The following DOCK2 variants were observed in gnomAD, a reference collection of about 807,000 sequenced individuals.
DOCK2 encodes the protein dedicator of cytokinesis 2.
Under a neutral mutation model 248.9 loss-of-function variants are expected in DOCK2, and 87 were observed. The observed-to-expected ratio is 0.35, with a 90% confidence interval of 0.29 to 0.42. The LOEUF (loss-of-function observed/expected upper bound fraction) is 0.42, where lower values mean the gene tolerates loss of function less well. DOCK2 is among the 10% of genes least tolerant of loss of function. The pLI, the probability that DOCK2 is intolerant of heterozygous loss-of-function variation, is 1.00. For synonymous variants in DOCK2, 805 were observed against 821.6 expected (o/e 0.98, Z 0.35); for missense variants, 1,747 against 2,300.2 (o/e 0.76, Z 4.92).
At chr5:170,021,579 A>G (rs567637009) in intron 33 of DOCK2, among the ~76,000 whole-genome samples, 1 of 151,990 alleles carries the variant, frequency 6.6e-6, no homozygotes, top group Non-Finnish European at 1.5e-5. Context: ...GCATGCACCC[A>G]CCTGTTTTCT....
intron 26 of DOCK2, among the ~76,000 whole-genome samples, chr5:169,839,912 G>C (rs1051435398): frequency 6.6e-6 from 1 of 152,176 alleles, no homozygotes; most frequent in African/African-American, 2.4e-5. Context: ...TCCGTTACCT[G>C]TATAACCAAT....
At chr5:169,700,611 T>C (rs999288492) in intron 13 of DOCK2, among the ~76,000 whole-genome samples, 1 of 152,142 alleles carries the variant, frequency 6.6e-6, no homozygotes, top group Non-Finnish European at 1.5e-5. Flanking sequence ...AGTGAAATGT[T>C]AAAAGTTCCT....
chr5:169,850,576 T>G (rs1770570186), intron 27 of DOCK2, among the ~76,000 whole-genome samples: 1 of 152,032 alleles, frequency 6.6e-6, no homozygotes, highest in African/African-American at 2.4e-5. Flanking sequence ...AGACTTGAAA[T>G]GACAGTTTGT....
chr5:169,788,057 G>A (rs1035202034), intron 25 of DOCK2, among the ~76,000 whole-genome samples: 6 of 151,860 alleles, frequency 4.0e-5, no homozygotes, highest in Non-Finnish European at 5.9e-5. Flanking sequence ...TTGACATCTC[G>A]TTTTGAGTGT....
chr5:169,732,813 T>C (rs1443147139), intron 22 of DOCK2, among the ~76,000 whole-genome samples: 1 of 152,220 alleles, frequency 6.6e-6, no homozygotes, highest in Non-Finnish European at 1.5e-5. Flanking sequence ...TCCTACAGTC[T>C]ATTCTCTATA....
At chr5:169,954,397 T>C (rs575210274) in intron 27 of DOCK2, among the ~76,000 whole-genome samples, 3 of 152,390 alleles carry the variant, frequency 2.0e-5, no homozygotes, top group Admixed American at 2.0e-4. Flanking sequence ...TTATCTATTT[T>C]GATTTTTCAG....
chr5:169,870,586 A>G (rs888609423), intron 27 of DOCK2, among the ~76,000 whole-genome samples: 1 of 151,702 alleles, frequency 6.6e-6, no homozygotes, highest in Non-Finnish European at 1.5e-5. Context: ...TTCTTTTTTT[A>G]ATTTTTTGAT....
chr5:169,963,676 G>T (rs562016318), intron 27 of DOCK2, among the ~76,000 whole-genome samples: 60 of 152,176 alleles, frequency 3.9e-4, no homozygotes, highest in Middle Eastern at 3.4e-3. Context: ...CCAGTCTTGG[G>T]AGTCTCTTTT....
Position 170,082,849 on chromosome 5 carries a change from G to A in DOCK2, c.5484G>A (p.Thr1828=), listed in dbSNP as rs140198889. 1.6e-4 allele frequency: 261 copies of A among 1,614,162 alleles called. No individual in the cohort carries two copies. The African/African-American group carries it at 2.9e-3, about 18-fold the overall frequency. Residue 1828 remains threonine, a synonymous_variant, in exon 52 of 52, where the codon ACG becomes ACA. Coordinates refer to ENST00000520908, the MANE Select transcript of DOCK2 (RefSeq NM_004946.3). ...EGKQIPDSLS[T]DL Reference sequence around the variant, plus strand: ...AACAGATCCCAGACTCGCTGTCCACGGACCTGTGAGCTGCTGCTGACTAGG... The same window carrying A: ...AACAGATCCCAGACTCGCTGTCCACAGACCTGTGAGCTGCTGCTGACTAGG...
intron 23 of DOCK2, among the ~76,000 whole-genome samples, chr5:169,752,926 G>A (rs144478710): frequency 9.2e-5 from 14 of 152,222 alleles, no homozygotes; most frequent in Admixed American, 8.5e-4. Flanking sequence ...TTAGCTGGGC[G>A]TGGTGGCGGG....
At chr5:169,810,989 TCACACACACACACACACACA>T (rs55987604) in intron 26 of DOCK2, among the ~76,000 whole-genome samples, 1 of 97,218 alleles carries the variant, frequency 1.0e-5, no homozygotes, top group African/African-American at 3.3e-5. Flanking sequence ...TCTCTCTCTC[TCACACACACACACACACACA>T]CACACACACA....
chr5:169,722,864 A>T (rs905592080), intron 22 of DOCK2, among the ~76,000 whole-genome samples: 1 of 152,192 alleles, frequency 6.6e-6, no homozygotes, highest in African/African-American at 2.4e-5. Flanking sequence ...CATTTCTTAC[A>T]GTTTATTTCT....
intron 27 of DOCK2, among the ~76,000 whole-genome samples, chr5:169,941,110 C>T (rs367801099): frequency 1.3e-5 from 2 of 152,108 alleles, no homozygotes; most frequent in Admixed American, 6.6e-5. Context: ...AAACTGAAGC[C>T]GCGCCCCGAA....
intron 27 of DOCK2, among the ~76,000 whole-genome samples, chr5:169,852,379 G>T (rs545870324): frequency 6.6e-6 from 1 of 152,184 alleles, no homozygotes; most frequent in Admixed American, 6.5e-5. Context: ...TGCCATTTGG[G>T]CGTTGGCTGA....
intron 27 of DOCK2, among the ~76,000 whole-genome samples, chr5:169,866,057 A>G (rs949923188): frequency 7.0e-6 from 1 of 142,528 alleles, no homozygotes; most frequent in East Asian, 1.9e-4. Flanking sequence ...TTTTATAGCA[A>G]GACTGATGGG....
At chr5:169,856,647 C>T (rs1460489152) in intron 27 of DOCK2, among the ~76,000 whole-genome samples, 1 of 152,184 alleles carries the variant, frequency 6.6e-6, no homozygotes, top group South Asian at 2.1e-4. Flanking sequence ...ATGACACCAG[C>T]AAGTAACTTC....
intron 27 of DOCK2, among the ~76,000 whole-genome samples, chr5:169,961,448 T>C (rs1777083238): frequency 6.6e-6 from 1 of 152,232 alleles, no homozygotes; most frequent in Non-Finnish European, 1.5e-5. Flanking sequence ...TATAGCATGC[T>C]GAGCATAATG....
chr5:169,709,264 T>G (rs1329353329), intron 15 of DOCK2, among the ~76,000 whole-genome samples: 4 of 152,208 alleles, frequency 2.6e-5, no homozygotes, highest in Non-Finnish European at 4.4e-5. Flanking sequence ...CAGGCAGCTT[T>G]GTGCCTCTCT....
intron 6 of DOCK2, among the ~76,000 whole-genome samples, 190 bp from the exon 7 acceptor site, chr5:169,681,554 C>T (rs113490751): frequency 2.0e-5 from 3 of 152,012 alleles, no homozygotes; most frequent in African/African-American, 7.2e-5. Context: ...CACACTACTA[C>T]AGTACCTTCT....
Sources: allele counts gnomAD v4.1 joint callset (sites outside exome capture counted in the v4.1 genomes callset), GRCh38; gene constraint gnomAD v4.1.1; transcripts MANE v1.5; gene names NCBI Gene and HGNC (gene_info 2026-07-23, HGNC 2026-07-21).